Variants in PAN3 observed in about 807,000 individuals in gnomAD.
PAN3 encodes poly(A) specific ribonuclease subunit PAN3.
A neutral mutation model predicts 96.2 loss-of-function variants in PAN3; 19 were observed. The observed-to-expected ratio is 0.20, with a 90% CI of 0.14 to 0.29. The LOEUF (loss-of-function observed/expected upper bound fraction) is 0.29, where lower values mean the gene tolerates loss of function less well. PAN3 is among the 10% of genes least tolerant of loss of function. The pLI is 1.00. For missense variants in PAN3, 882 were observed against 1,108.1 expected, an observed-to-expected ratio of 0.80 and a Z score of 2.90; for synonymous variants, 433 against 406.6, an observed-to-expected ratio of 1.06 and a Z score of -0.78.
chr13:28,282,794 A>G (rs532151809), intron 17 of PAN3, among the ~76,000 whole-genome samples: 26 of 152,170 alleles, frequency 1.7e-4, no homozygotes, highest in Admixed American at 1.4e-3. Context: ...ACACTTTAGA[A>G]CTGGAACTTC....
intron 9 of PAN3, among the ~76,000 whole-genome samples, chr13:28,264,039 T>G (rs1313801884): frequency 6.6e-6 from 1 of 152,210 alleles, no homozygotes; most frequent in Non-Finnish European, 1.5e-5. Context: ...GTTTTTGGCA[T>G]CCTGAATTAC....
intron 1 of PAN3, among the ~76,000 whole-genome samples, chr13:28,145,449 T>C (rs117971833): frequency 3.3e-3 from 508 of 151,976 alleles, no homozygotes; most frequent in South Asian, 6.2e-3. Context: ...CATAGACTCA[T>C]GAGTAGCTGG....
intron 1 of PAN3, among the ~76,000 whole-genome samples, chr13:28,151,140 G>A (rs1187621821): frequency 6.6e-6 from 1 of 152,110 alleles, no homozygotes; most frequent in Non-Finnish European, 1.5e-5. Context: ...CTAATAGGTT[G>A]GTGTGGAGTG....
chr13:28,259,694 A>G (rs1017718891), intron 7 of PAN3, among the ~76,000 whole-genome samples: 1 of 151,686 alleles, frequency 6.6e-6, no homozygotes, highest in African/African-American at 2.4e-5. Context: ...GCTGGAGTAC[A>G]ATGGCACAAT....
intron 1 of PAN3, among the ~76,000 whole-genome samples, chr13:28,160,957 A>G (rs1872808830): frequency 6.6e-6 from 1 of 152,222 alleles, no homozygotes; most frequent in African/African-American, 2.4e-5. Flanking sequence ...TCTTTATGGA[A>G]AAATCCTTGT....
At chr13:28,268,124 C>G (rs1484097893) in intron 12 of PAN3, among the ~76,000 whole-genome samples, 1 of 152,104 alleles carries the variant, frequency 6.6e-6, no homozygotes, top group Non-Finnish European at 1.5e-5. Flanking sequence ...TAGAAATAGT[C>G]TCTCTGGCTT....
In PAN3 at chr13:28,164,675, G is replaced by T. The variant is rs188230208; in HGVS notation, c.431-9597G>T. Reference sequence around the variant, plus strand: ...GGGAAGTTGTACAGTAAAGAAATGGGTTTACTTGTTTTTACTCATTTTCCC... The same window carrying T: ...GGGAAGTTGTACAGTAAAGAAATGGTTTTACTTGTTTTTACTCATTTTCCC... On this transcript the variant is annotated intron_variant, in intron 1 of 18. Transcript: ENST00000380958. Among the ~76,000 whole-genome samples the T allele has an allele frequency of 7.9e-5, 12 of 152,248 alleles. No homozygotes were observed. The East Asian group carries it at 1.3e-3, about 17-fold the overall frequency.
At position 28,256,451 on chromosome 13, in the gene PAN3, C is replaced by T. The variant is rs769489467; in HGVS notation, c.1160C>T (p.Pro387Leu). 22 of 1,613,782 alleles carry T rather than the reference C, an allele frequency of 1.4e-5. No homozygotes were observed. Among genetic ancestry groups the T allele is most frequent in the Admixed American group, 1.7e-5 (1 of 59,980 alleles). ...TSVNNPVSQTPSSGQVIQKET... is the reference protein window; with the variant it reads ...TSVNNPVSQTLSSGQVIQKET... ...GTTAATAATCCTGTTTCTCAGACTCCGTCTTCTGGTCAGGTGATCCAAAAG... is the reference window on the plus strand; with the variant it reads ...GTTAATAATCCTGTTTCTCAGACTCTGTCTTCTGGTCAGGTGATCCAAAAG... Residue 387 changes from proline (P) to leucine (L), a missense_variant, in exon 7 of 19, where the codon CCG (proline) becomes CTG (leucine). Around this residue, in one of 3 missense-constraint regions of PAN3, gnomAD observed 364 missense variants for 513.6 expected, o/e 0.71. Transcript: ENST00000380958.
intron 6 of PAN3, among the ~76,000 whole-genome samples, chr13:28,226,323 TCTA>T (rs1238546452): frequency 6.6e-6 from 1 of 152,196 alleles, no homozygotes; most frequent in Non-Finnish European, 1.5e-5. Context: ...TTCTCAGAAG[TCTA>T]CTGTTAAATG....
intron 17 of PAN3, among the ~76,000 whole-genome samples, chr13:28,281,930 C>A (rs1209871748): frequency 1.3e-5 from 2 of 152,042 alleles, no homozygotes; most frequent in Non-Finnish European, 2.9e-5. Context: ...ACCACCATAC[C>A]CAGCTAATTT....
chr13:28,153,407 T>G (rs1320307188), intron 1 of PAN3, among the ~76,000 whole-genome samples: 1 of 151,946 alleles, frequency 6.6e-6, no homozygotes, highest in African/African-American at 2.4e-5. Context: ...GGCTAATTTT[T>G]GTATTTTTTT....
At chr13:28,204,032 A>G (rs1417533513) in intron 5 of PAN3, among the ~76,000 whole-genome samples, 1 of 151,508 alleles carries the variant, frequency 6.6e-6, no homozygotes, top group Non-Finnish European at 1.5e-5. Flanking sequence ...TGATCTCTCT[A>G]TCTCTTGACC....
chr13:28,284,381 A>AT (rs71086842), intron 17 of PAN3, among the ~76,000 whole-genome samples: 7,240 of 132,600 alleles, frequency 0.055, 517 homozygotes, highest in African/African-American at 0.17. Context: ...TCTTTTTGTG[A>AT]TTTTTTTTTT....
chr13:28,207,563 A>C (rs45577932), intron 5 of PAN3, among the ~76,000 whole-genome samples: 1 of 152,112 alleles, frequency 6.6e-6, no homozygotes, highest in Non-Finnish European at 1.5e-5. Context: ...TCCTTTGGCT[A>C]TTCTTTTTGA....
Position 28,266,696 on chromosome 13 carries a change from T to C in PAN3, c.1412-19T>C, listed in dbSNP as rs1886207813. ...TGAATGCCTGTATTTTCAAGTCATC[T>C]TCTTATGAATTACTCTAGCAGTTCC... is the stretch of plus-strand genomic sequence containing the variant. On this transcript the variant is annotated intron_variant, in intron 9 of 18. Coordinates refer to ENST00000380958, the MANE Select transcript of PAN3 (RefSeq NM_175854.8). The C allele has an allele frequency of 2.0e-6, 3 of 1,521,446 alleles. No individual in the cohort carries two copies. Among genetic ancestry groups the C allele is most frequent in the South Asian group, 1.3e-5 (1 of 77,112 alleles). The allele number at this position is 1,521,446 out of a possible 1,614,324, so 94.2% of individuals were successfully genotyped here.
intron 6 of PAN3, among the ~76,000 whole-genome samples, chr13:28,250,091 T>C (rs186316238): frequency 6.6e-6 from 1 of 152,324 alleles, no homozygotes; most frequent in East Asian, 1.9e-4. Flanking sequence ...ATTATTTTTC[T>C]TTTGTTAGAT....
intron 17 of PAN3, among the ~76,000 whole-genome samples, chr13:28,283,699 T>C (rs1471988425): frequency 6.6e-6 from 1 of 152,256 alleles, no homozygotes; most frequent in Non-Finnish European, 1.5e-5. Flanking sequence ...ACCTGACTTA[T>C]TCCTCATAAC....
rs994593005 is a variant in PAN3, at chr13:28,178,367, T to C, written c.690+432T>C. On this transcript the variant is annotated intron_variant, in intron 4 of 18. Transcript: ENST00000380958. ...ACTTAAAATTTTCAACATTTCATAA[T>C]GGGCCCAACAATTTAAAAAGTTGAA... 3.3e-5 allele frequency among the ~76,000 whole-genome samples: 5 copies of C among 152,294 alleles called. No homozygotes were observed. In the South Asian group the frequency reaches 6.2e-4, roughly 19 times the overall value.
intron 6 of PAN3, among the ~76,000 whole-genome samples, chr13:28,223,218 TACTC>T (rs1226426008): frequency 6.6e-6 from 1 of 152,232 alleles, no homozygotes; most frequent in Admixed American, 6.5e-5. Flanking sequence ...TATTTGAATT[TACTC>T]ACAGCTAATT....
Sources: gnomAD v4.1 joint callset for allele counts (sites outside exome capture counted in the v4.1 genomes callset) on GRCh38, gnomAD v4.1.1 for gene constraint, gnomAD v4.1.1 regional missense constraint, MANE v1.5 for transcripts, NCBI Gene and HGNC (gene_info 2026-07-23, HGNC 2026-07-21) for gene names.